Variants in NHSL2 observed in about 807,000 individuals in gnomAD.
The protein encoded by NHSL2 is NHS like 2, also known as NHS-like protein 2.
NHSL2 carries 27 observed loss-of-function variants against 53.4 expected under a neutral mutation model. The ratio of observed to expected loss-of-function variants is 0.51; its 90% confidence interval spans 0.37 to 0.70. The LOEUF (loss-of-function observed/expected upper bound fraction) is 0.70, where lower values mean the gene tolerates loss of function less well. Ranked by LOEUF, NHSL2 falls within the 30% of genes least tolerant of loss-of-function variation. The probability of loss-of-function intolerance (pLI) is 0.00; values close to 1 mark genes in which losing one functional copy is unlikely to be tolerated. For synonymous variants in NHSL2, 408 were observed against 404.1 expected (o/e 1.01, Z -0.12); for missense variants, 892 against 980.1 (o/e 0.91, Z 1.20).
chrX:72,039,276 T>C (rs2042260724), intron 1 of NHSL2, among the ~76,000 whole-genome samples: 1 of 110,986 alleles, frequency 9.0e-6, no homozygotes, highest in African/African-American at 3.3e-5. Flanking sequence ...CTTTCTCTTT[T>C]TAACATTATG....
chrX:72,042,622 A>G (rs780592971), intron 1 of NHSL2, among the ~76,000 whole-genome samples: 2 of 110,564 alleles, frequency 1.8e-5, no homozygotes, highest in South Asian at 7.8e-4. Flanking sequence ...TGGAGCTAGA[A>G]GGGGGGTTAG....
chrX:71,919,777 T>C (rs1432627632), intron 1 of NHSL2, among the ~76,000 whole-genome samples: 1 of 110,785 alleles, frequency 9.0e-6, no homozygotes, highest in Non-Finnish European at 1.9e-5. Context: ...ACAGAGAATA[T>C]GTGGTGCTGG....
chrX:72,129,645 T>C, intron 1 of NHSL2: 1 of 449,911 alleles, frequency 2.2e-6, no homozygotes, highest in South Asian at 3.7e-5. Context: ...GTGGCCCTGG[T>C]TGGGCACACG....
chrX:72,121,843 G>A (rs979966430), intron 1 of NHSL2, among the ~76,000 whole-genome samples: 2 of 111,863 alleles, frequency 1.8e-5, no homozygotes, highest in African/African-American at 3.3e-5. Flanking sequence ...CTCAAATTAG[G>A]AATGTAAGTG....
chrX:72,117,442 CAT>C (rs773031197), intron 1 of NHSL2, among the ~76,000 whole-genome samples: 1 of 108,122 alleles, frequency 9.2e-6, no homozygotes, highest in East Asian at 2.9e-4. Flanking sequence ...AGACATAAAA[CAT>C]GTGCAAACCA....
chrX:71,981,694 A>G (rs2041979903), intron 1 of NHSL2, among the ~76,000 whole-genome samples: 1 of 112,359 alleles, frequency 8.9e-6, no homozygotes, highest in South Asian at 3.6e-4. Context: ...CAAAGAAGAT[A>G]TACAAATGGC....
In NHSL2 at chrX:72,087,598, G is replaced by A. The variant is rs767646845; in HGVS notation, c.281-44481G>A. 6.2e-5 allele frequency among the ~76,000 whole-genome samples: 7 copies of A among 112,961 alleles called. No homozygotes were observed. In the South Asian group the frequency reaches 1.8e-3, roughly 29 times the overall value. The stretch of plus-strand genomic sequence containing the variant: ...TAAGATTTAAAAGTTGGGGCCAGGC[G>A]CGGTGGCTCACGCCTGTAATCCCAG... On this transcript the variant is annotated intron_variant, in intron 1 of 7. Coordinates refer to ENST00000633930, the MANE Select transcript of NHSL2 (RefSeq NM_001013627.3).
At chrX:72,049,009 A>AGAAGAAGAAGAAGAG (rs1556340802) in intron 1 of NHSL2, among the ~76,000 whole-genome samples, 1 of 86,135 alleles carries the variant, frequency 1.2e-5, no homozygotes, top group African/African-American at 4.8e-5. Flanking sequence ...AAGAAGAAGA[A>AGAAGAAGAAGAAGAG]GAAGAGGAAG....
intron 1 of NHSL2, among the ~76,000 whole-genome samples, chrX:72,117,276 C>G (rs928995538): frequency 1.9e-4 from 19 of 102,478 alleles, no homozygotes; most frequent in Non-Finnish European, 2.6e-4. Context: ...TCTGTTGATA[C>G]ATAGTCACTA....
chrX:72,134,156 G>A lies in NHSL2; in HGVS notation c.502G>A (p.Ala168Thr). 2 of 1,166,358 alleles carry A rather than the reference G, an allele frequency of 1.7e-6. No individual in the cohort carries two copies. The highest frequency in any genetic ancestry group is 2.3e-6 in the Non-Finnish European group (2 of 871,299). ...GCAGACCTTCCGCTCTTCTGATGAG[G>A]CCACTAAGCCCACCCCCAACCCAAG... is the stretch of plus-strand genomic sequence containing the variant. ...VGQTFRSSDE[A>T]TKPTPNPRPQ... Residue 168 changes from alanine (A) to threonine (T), a missense_variant, in exon 3 of 8, where the codon GCC (alanine) becomes ACC (threonine). Ala to Thr is a moderately conservative substitution (Grantham distance 58). Transcript: ENST00000633930.
At chrX:71,970,149 G>A in intron 1 of NHSL2, among the ~76,000 whole-genome samples, 1 of 111,473 alleles carries the variant, frequency 9.0e-6, no homozygotes, top group Non-Finnish European at 1.9e-5. Flanking sequence ...AGCTATATTT[G>A]ATCTGCTAGT....
intron 1 of NHSL2, among the ~76,000 whole-genome samples, chrX:72,102,721 C>A (rs2042005313): frequency 8.9e-6 from 1 of 112,394 alleles, no homozygotes; most frequent in Non-Finnish European, 1.9e-5. Context: ...TTGTTTCTTG[C>A]AGTATTAGTA....
intron 1 of NHSL2, among the ~76,000 whole-genome samples, chrX:71,925,590 A>G (rs1197715233): frequency 9.0e-6 from 1 of 111,176 alleles, no homozygotes; most frequent in African/African-American, 3.3e-5. Context: ...CAGATGTCAC[A>G]GCTAGATCAC....
In NHSL2 at chrX:72,140,491, G is replaced by A; in HGVS notation, c.2943G>A (p.Leu981=). ...VEDEGPKVRV[L]PERISLQSQE... is the part of the protein sequence containing the mutation. ...ACGAGGGCCCCAAGGTGAGGGTTCT[G>A]CCTGAAAGAATTAGCCTCCAGAGCC... The change falls in exon 6 of 8, where the codon CTG becomes CTA. Residue 981 remains leucine (L), a synonymous_variant. Transcript: ENST00000633930. 3 of 1,210,410 alleles carry A rather than the reference G, an allele frequency of 2.5e-6. No homozygotes were observed. The highest frequency in any genetic ancestry group is 3.4e-6 in the Non-Finnish European group (3 of 894,808).
At chrX:71,981,389 T>C (rs2041977858) in intron 1 of NHSL2, among the ~76,000 whole-genome samples, 1 of 109,944 alleles carries the variant, frequency 9.1e-6, no homozygotes, top group Non-Finnish European at 1.9e-5. Context: ...CTTTTTAAAA[T>C]ACGAAAATTA....
Position 72,150,977 on chromosome X carries a change from G to A in NHSL2, c.*7403G>A, listed in dbSNP as rs193141688. The A allele has an allele frequency of 7.2e-5, 8 of 111,163 alleles. No homozygotes were observed. The highest frequency in any genetic ancestry group is 2.6e-4 in the African/African-American group (8 of 30,485). 9.2% of individuals were successfully genotyped at this position (111,163 alleles called of 1,213,427 possible). On this transcript the variant is annotated 3_prime_UTR_variant, in exon 8 of 8. Transcript: ENST00000633930. ...TAGCACATTCTTCTTTGTTGTTGCTGTTTGTTCATTCGTTTGTTTTGCAAC... is the reference window on the plus strand; with the variant it reads ...TAGCACATTCTTCTTTGTTGTTGCTATTTGTTCATTCGTTTGTTTTGCAAC...
chrX:72,090,619 C>T (rs1187489132), intron 1 of NHSL2, among the ~76,000 whole-genome samples: 4 of 111,467 alleles, frequency 3.6e-5, no homozygotes, highest in African/African-American at 1.3e-4. Context: ...AGAAATTCAA[C>T]AGTGTAAAAG....
At chrX:72,087,985 CCCTGGGAGGCCGAGGCGGGCTGCTCA>C (rs1259695696) in intron 1 of NHSL2, among the ~76,000 whole-genome samples, 1 of 100,425 alleles carries the variant, frequency 1.0e-5, no homozygotes, top group East Asian at 4.2e-4. Flanking sequence ...CGGGCTGCTC[CCCTGGGAGGCCGAGGCGGGCTGCTCA>C]CCTGAGGTCG....
intron 1 of NHSL2, among the ~76,000 whole-genome samples, chrX:72,075,776 C>T (rs6653182): frequency 1.6e-3 from 179 of 110,840 alleles, no homozygotes; most frequent in African/African-American, 5.5e-3. Flanking sequence ...AAGCAAGGAG[C>T]GTGTGTGAGC....
Sources: allele counts gnomAD v4.1 joint callset (sites outside exome capture counted in the v4.1 genomes callset), GRCh38; gene constraint gnomAD v4.1.1; transcripts MANE v1.5; gene names NCBI Gene and HGNC (gene_info 2026-07-23, HGNC 2026-07-21).